The following CELF4 variants were observed in gnomAD, a reference collection of about 807,000 sequenced individuals.
CELF4 encodes the protein CUG-BP- and ETR-3-like factor 4.
In CELF4, 18 loss-of-function variants were observed where a neutral mutation model predicts 59.9. The observed-to-expected ratio is 0.30, with a 90% CI of 0.21 to 0.45. The LOEUF (loss-of-function observed/expected upper bound fraction) is 0.45. Ranked by LOEUF, CELF4 falls within the 20% of genes least tolerant of loss-of-function variation. The pLI is 1.00. For synonymous variants in CELF4, 261 were observed against 267.1 expected, an observed-to-expected ratio of 0.98 and a Z score of 0.22; for missense variants, 456 against 689.0, an observed-to-expected ratio of 0.66 and a Z score of 3.79.
intron 2 of CELF4, among the ~76,000 whole-genome samples, chr18:37,351,414 A>T (rs552471867): frequency 6.6e-6 from 1 of 152,098 alleles, no homozygotes; most frequent in Admixed American, 6.6e-5. Context: ...CACGGGCCCA[A>T]CGTATACCAG....
intron 2 of CELF4, among the ~76,000 whole-genome samples, chr18:37,354,294 G>A (rs2098523428): frequency 6.6e-6 from 1 of 152,128 alleles, no homozygotes; most frequent in Non-Finnish European, 1.5e-5. Flanking sequence ...GCCATGCAGA[G>A]TAAGGGAAAA....
chr18:37,514,482 C>T (rs1473573326), intron 1 of CELF4, among the ~76,000 whole-genome samples: 1 of 152,134 alleles, frequency 6.6e-6, no homozygotes, highest in Non-Finnish European at 1.5e-5. Context: ...AGAGTTTCTT[C>T]CGAGAGCCTG....
chr18:37,444,652 A>ACACACACACACACGCGCG (rs71168259), intron 2 of CELF4, among the ~76,000 whole-genome samples: 13 of 144,080 alleles, frequency 9.0e-5, no homozygotes, highest in African/African-American at 2.9e-4. Context: ...ACACACACAC[A>ACACACACACACACGCGCG]CGCGAACGAT....
chr18:37,419,936 G>GT (rs2099565252), intron 2 of CELF4, among the ~76,000 whole-genome samples: 1 of 152,252 alleles, frequency 6.6e-6, no homozygotes, highest in Admixed American at 6.5e-5. Context: ...GGTGTCCTCT[G>GT]TGAAGGACTC....
At chr18:37,537,623 G>A (rs540066012) in intron 1 of CELF4, among the ~76,000 whole-genome samples, 17 of 152,330 alleles carry the variant, frequency 1.1e-4, no homozygotes, top group Middle Eastern at 3.4e-3. Flanking sequence ...GAGCCTGACA[G>A]GGGCTGTTTA....
intron 3 of CELF4, among the ~76,000 whole-genome samples, chr18:37,305,003 T>C (rs943202501): frequency 5.3e-5 from 8 of 152,048 alleles, no homozygotes; most frequent in Non-Finnish European, 1.0e-4. Flanking sequence ...GCAAAGGGAC[T>C]GGTGGGGATG....
chr18:37,408,496 G>GAGT lies in CELF4; in HGVS notation c.369+77028_369+77029insACT, dbSNP rs869309994. On this transcript the variant is annotated intron_variant, in intron 2 of 12. Coordinates refer to ENST00000420428, the MANE Select transcript of CELF4 (RefSeq NM_020180.4). ...TTTTCCCCCTTTGGTTGGTGCCGGG[G>GAGT]GGGGGCGCGGTGCAGGAGGATGTGA... Among the ~76,000 whole-genome samples the GAGT allele has an allele frequency of 1.4e-3, 26 of 18,098 alleles. No individual in the cohort carries two copies. In the South Asian group the frequency reaches 0.09, roughly 62 times the overall value. The allele number at this position is 18,098 out of a possible 152,430, so 11.9% of individuals were successfully genotyped here.
intron 6 of CELF4, 94 bp downstream of exon 6, chr18:37,274,217 G>C (rs1169655146): frequency 5.2e-6 from 8 of 1,551,704 alleles, no homozygotes; most frequent in Non-Finnish European, 6.9e-6. Context: ...GAGAGGGCAA[G>C]GGATAGAGTA....
In CELF4 at chr18:37,272,964, G is replaced by A. The variant is rs1787630; in HGVS notation, c.949+52C>T. The A allele has an allele frequency of 7.4e-3, 11,437 of 1,544,838 alleles. 600 individuals carry two copies. The African/African-American group carries it at 0.13, about 17-fold the overall frequency. On this transcript the variant is annotated intron_variant, in intron 7 of 12. Transcript: ENST00000420428. ...AGCTGAAATTAGGTCCCAGCCTGGG[G>A]CCAGCTGTTCTCCCACCGGGCCAGA... is the stretch of plus-strand genomic sequence containing the variant.
intron 2 of CELF4, among the ~76,000 whole-genome samples, chr18:37,435,546 C>CT (rs1344336538): frequency 3.9e-5 from 6 of 152,214 alleles, no homozygotes; most frequent in African/African-American, 7.2e-5. Flanking sequence ...GCAGAGCAGA[C>CT]TGAGACAACT....
intron 2 of CELF4, among the ~76,000 whole-genome samples, chr18:37,428,155 G>C (rs998185303): frequency 9.2e-5 from 14 of 152,142 alleles, no homozygotes; most frequent in Non-Finnish European, 1.6e-4. Flanking sequence ...AATGAATAAG[G>C]GTCCTGTAGA....
At chr18:37,247,400 C>A (rs1364397574) in intron 12 of CELF4, 1 of 27,590 alleles carries the variant, frequency 3.6e-5, no homozygotes, top group Non-Finnish European at 6.6e-5. Flanking sequence ...TGGGGCAGGG[C>A]AGGTGGGGTT....
chr18:37,543,604 G>A (rs1329628503), intron 1 of CELF4, among the ~76,000 whole-genome samples: 1 of 152,196 alleles, frequency 6.6e-6, no homozygotes, highest in African/African-American at 2.4e-5. Flanking sequence ...TAGGTTGCAT[G>A]AGGCACCTGG....
chr18:37,329,434 C>T (rs2097451950), intron 2 of CELF4, among the ~76,000 whole-genome samples: 1 of 152,230 alleles, frequency 6.6e-6, no homozygotes. Flanking sequence ...TCAGTCCTAA[C>T]CCACAGTGGA....
At chr18:37,562,887 C>T (rs1356866189) in intron 1 of CELF4, among the ~76,000 whole-genome samples, 1 of 152,116 alleles carries the variant, frequency 6.6e-6, no homozygotes, top group Non-Finnish European at 1.5e-5. Flanking sequence ...GGAAGTTTCA[C>T]TGGGAAAAAT....
chr18:37,492,299 C>G (rs1400661327), intron 1 of CELF4, among the ~76,000 whole-genome samples: 1 of 152,154 alleles, frequency 6.6e-6, no homozygotes, highest in Non-Finnish European at 1.5e-5. Flanking sequence ...CATCCACCTG[C>G]CATGGTGCCT....
intron 2 of CELF4, among the ~76,000 whole-genome samples, chr18:37,361,840 C>T (rs1206177761): frequency 1.3e-5 from 2 of 149,414 alleles, no homozygotes; most frequent in Non-Finnish European, 3.0e-5. Flanking sequence ...AGTGGCAGCC[C>T]CTGCTGGGGA....
chr18:37,411,349 C>A (rs7226513), intron 2 of CELF4, among the ~76,000 whole-genome samples: 1 of 152,056 alleles, frequency 6.6e-6, no homozygotes, highest in East Asian at 1.9e-4. Context: ...GTGTGGGAGA[C>A]GTGTGTGTTT....
intron 3 of CELF4, among the ~76,000 whole-genome samples, chr18:37,312,976 C>G (rs1490450479): frequency 6.6e-6 from 1 of 152,222 alleles, no homozygotes; most frequent in Non-Finnish European, 1.5e-5. Flanking sequence ...ACAAGTGGAG[C>G]CCACACACAG....
Sources: gnomAD v4.1 joint callset for allele counts (sites outside exome capture counted in the v4.1 genomes callset) on GRCh38, gnomAD v4.1.1 for gene constraint, MANE v1.5 for transcripts, NCBI Gene and HGNC (gene_info 2026-07-23, HGNC 2026-07-21) for gene names.